Variants in PPCDC observed in about 807,000 individuals in gnomAD.
PPCDC encodes the protein phosphopantothenoylcysteine decarboxylase.
In PPCDC, 20 loss-of-function variants were observed where a neutral mutation model predicts 20.7. That is an observed-to-expected ratio of 0.97 (90% CI 0.68 to 1.41). The LOEUF (loss-of-function observed/expected upper bound fraction) is 1.41. PPCDC is among the 40% of genes most tolerant of loss of function. The pLI, the probability that PPCDC is intolerant of heterozygous loss-of-function variation, is 0.00. For missense variants in PPCDC, 246 were observed against 263.8 expected (o/e 0.93, Z 0.47); for synonymous variants, 88 against 100.3 (o/e 0.88, Z 0.73).
intron 1 of PPCDC, 107 bp downstream of exon 1, chr15:75,023,733 C>T (rs1425116575): frequency 6.6e-6 from 1 of 152,390 alleles, no homozygotes; most frequent in Non-Finnish European, 1.5e-5. Context: ...CTGTGTGTGT[C>T]CTTATTTTCC....
chr15:75,032,724 A>ACCCC (rs71434252), intron 2 of PPCDC, among the ~76,000 whole-genome samples: 1,688 of 96,468 alleles, frequency 0.017, 107 homozygotes, highest in Non-Finnish European at 0.024. Context: ...AGCAAACTGG[A>ACCCC]CCCCCCCCCC....
intron 4 of PPCDC, 92 bp downstream of exon 4, chr15:75,044,606 G>A: frequency 1.3e-6 from 2 of 1,507,086 alleles, no homozygotes; most frequent in South Asian, 1.3e-5. Flanking sequence ...ACCTGCTGCT[G>A]TGGGGCCCCG....
chr15:75,044,090 G>T (rs1170031954), intron 3 of PPCDC, among the ~76,000 whole-genome samples: 1 of 118,098 alleles, frequency 8.5e-6, no homozygotes, highest in Non-Finnish European at 1.6e-5. Flanking sequence ...GACAACCCAA[G>T]CATCCGCCTC....
chr15:75,041,118 A>G (rs953272550), intron 2 of PPCDC, among the ~76,000 whole-genome samples: 1 of 152,150 alleles, frequency 6.6e-6, no homozygotes, highest in Non-Finnish European at 1.5e-5. Flanking sequence ...TCTTTACCTC[A>G]TCACTATCTT....
Position 75,050,309 on chromosome 15 carries a change from G to C in PPCDC, c.*1074G>C, listed in dbSNP as rs1009977708. On this transcript the variant is annotated 3_prime_UTR_variant, in exon 6 of 6. Coordinates refer to ENST00000342932, the MANE Select transcript of PPCDC (RefSeq NM_021823.5). ...CCTCTGTTCTCATCCTTTCAGCTTT[G>C]CTGGACCTGAGGCAGGGGCCTGGGT... 5 of 152,326 alleles carry C rather than the reference G, an allele frequency of 3.3e-5. No individual in the cohort carries two copies. The highest frequency in any genetic ancestry group is 7.3e-5 in the Non-Finnish European group (5 of 68,152). The allele number at this position is 152,326 out of a possible 1,614,324, so 9.4% of individuals were successfully genotyped here.
intron 4 of PPCDC, among the ~76,000 whole-genome samples, chr15:75,047,510 T>C (rs1051581832): frequency 2.0e-5 from 3 of 152,174 alleles, no homozygotes; most frequent in Non-Finnish European, 4.4e-5. Context: ...CCTGTTACCC[T>C]GAGGAGCTCA....
chr15:75,046,197 A>G (rs2066231423), intron 4 of PPCDC, among the ~76,000 whole-genome samples: 1 of 152,266 alleles, frequency 6.6e-6, no homozygotes, highest in South Asian at 2.1e-4. Context: ...CCTGGGCTAC[A>G]GAGGTGAGAC....
In PPCDC at chr15:75,026,408, G is replaced by T. The variant is rs138540645; in HGVS notation, c.-72-1839G>T. Among the ~76,000 whole-genome samples, 377 of 152,334 alleles carry T rather than the reference G, an allele frequency of 2.5e-3. 1 individual carries two copies. The highest frequency in any genetic ancestry group is 0.01 in the Middle Eastern group (3 of 294). On this transcript the variant is annotated intron_variant, in intron 1 of 5. Transcript: ENST00000342932. ...AGTTCTCCAACTCTGGCCAAGCATTGCCCTGGTTGGGGCCCTGCAGTGGAG... is the reference window on the plus strand; with the variant it reads ...AGTTCTCCAACTCTGGCCAAGCATTTCCCTGGTTGGGGCCCTGCAGTGGAG...
At chr15:75,048,888 G>A (rs2066276226) in intron 5 of PPCDC, among the ~76,000 whole-genome samples, 167 bp downstream of exon 5, 1 of 152,240 alleles carries the variant, frequency 6.6e-6, no homozygotes, top group Non-Finnish European at 1.5e-5. Context: ...CAGATTGGTA[G>A]GGTAAAATGG....
intron 3 of PPCDC, 113 bp from the exon 4 acceptor site, chr15:75,044,272 GC>G: frequency 6.8e-7 from 1 of 1,468,962 alleles, no homozygotes. Context: ...ACGGAGGTTG[GC>G]CTGGGCAGGG....
chr15:75,044,492 G>T lies in PPCDC; in HGVS notation c.338G>T (p.Ser113Ile). 1 of 1,614,154 alleles carries T rather than the reference G, an allele frequency of 6.2e-7. No homozygotes were observed. Among genetic ancestry groups the T allele is most frequent in the Non-Finnish European group, 8.5e-7 (1 of 1,179,986 alleles). The change falls in exon 4 of 6, where the codon AGT becomes ATT. Residue 113 changes from serine (S) to isoleucine (I), a missense_variant. Ser to Ile is a moderately radical substitution (Grantham distance 142). This residue lies in a region of PPCDC where 225 missense variants were observed against 222.6 expected (regional missense o/e 1.01). Coordinates refer to ENST00000342932, the MANE Select transcript of PPCDC (RefSeq NM_021823.5). ...LDANTLGKVA[S>I]GICDNLLTCV... ...GCCAACACTCTGGGGAAGGTGGCCA[G>T]TGGCATCTGTGACAACTTGCTTGTG...
chr15:75,039,046 T>C lies in PPCDC; in HGVS notation c.136-4395T>C, dbSNP rs75729919. ...ATCTTTAAGTTTTCTTCTCCCTCTA[T>C]TGTCTCTGGGTTTCTATTTTCTGTT... On this transcript the variant is annotated intron_variant, in intron 2 of 5. Coordinates refer to ENST00000342932, the MANE Select transcript of PPCDC (RefSeq NM_021823.5). Among the ~76,000 whole-genome samples the C allele has an allele frequency of 1.6e-3, 239 of 152,308 alleles. 1 individual carries two copies. The highest frequency in any genetic ancestry group is 5.5e-3 in the African/African-American group (229 of 41,554).
chr15:75,039,663 T>C (rs1426504685), intron 2 of PPCDC, among the ~76,000 whole-genome samples: 1 of 152,210 alleles, frequency 6.6e-6, no homozygotes, highest in African/African-American at 2.4e-5. Context: ...TCTAATCTTA[T>C]CTTGTAGGAT....
At chr15:75,045,930 G>C (rs1403442603) in intron 4 of PPCDC, among the ~76,000 whole-genome samples, 2 of 150,934 alleles carry the variant, frequency 1.3e-5, no homozygotes, top group Non-Finnish European at 3.0e-5. Flanking sequence ...AAGGGAAAAG[G>C]CTAGGCATGG....
At position 75,049,679 on chromosome 15, in the gene PPCDC, A is replaced by T; in HGVS notation, c.*444A>T. On this transcript the variant is annotated 3_prime_UTR_variant, in exon 6 of 6. Transcript: ENST00000342932. ...AAGCCTGCGAGTTGGCAGGACTCTG[A>T]GGTTTCCTGCAGACCATGCCATGAG... 6.0e-6 allele frequency: 1 copy of T among 165,980 alleles called. No homozygotes were observed. Among genetic ancestry groups the T allele is most frequent in the South Asian group, 1.6e-4 (1 of 6,418 alleles). 10.3% of individuals were successfully genotyped at this position (165,980 alleles called of 1,614,324 possible).
chr15:75,027,596 C>A (rs1276238705), intron 1 of PPCDC, among the ~76,000 whole-genome samples: 1 of 152,152 alleles, frequency 6.6e-6, no homozygotes, highest in Non-Finnish European at 1.5e-5. Flanking sequence ...TCTTTGGAAC[C>A]CATCCCTTCC....
chr15:75,036,962 T>C (rs1396132541), intron 2 of PPCDC, among the ~76,000 whole-genome samples: 1 of 152,104 alleles, frequency 6.6e-6, no homozygotes, highest in Non-Finnish European at 1.5e-5. Flanking sequence ...TGAGCCACCA[T>C]GCCTGGCGCC....
At chr15:75,040,317 A>G (rs982088508) in intron 2 of PPCDC, among the ~76,000 whole-genome samples, 16 of 151,482 alleles carry the variant, frequency 1.1e-4, no homozygotes, top group African/African-American at 2.7e-4. Flanking sequence ...GCCTCAAGCA[A>G]TCTGCCTGCC....
chr15:75,034,252 T>G (rs1285875259), intron 2 of PPCDC, among the ~76,000 whole-genome samples: 1 of 152,194 alleles, frequency 6.6e-6, no homozygotes, highest in African/African-American at 2.4e-5. Context: ...AGCTCAGACC[T>G]GGAGCTCATT....
Sources: allele counts gnomAD v4.1 joint callset (sites outside exome capture counted in the v4.1 genomes callset), GRCh38; gene constraint gnomAD v4.1.1; regional missense constraint gnomAD v4.1.1; transcripts MANE v1.5; gene names NCBI Gene and HGNC (gene_info 2026-07-23, HGNC 2026-07-21).